The following NADK2 variants were observed in gnomAD, a reference collection of about 807,000 sequenced individuals.
NADK2 encodes the protein NAD kinase domain-containing protein 1, mitochondrial.
Under a neutral mutation model 62.1 loss-of-function variants are expected in NADK2, and 35 were observed. The observed-to-expected ratio is 0.56, with a 90% CI of 0.43 to 0.75. The LOEUF is 0.75. Ranked by LOEUF, NADK2 falls within the 30% of genes least tolerant of loss-of-function variation. The pLI is 0.00. For synonymous variants in NADK2, 205 were observed against 207.9 expected (o/e 0.99, Z 0.12); for missense variants, 439 against 561.3 (o/e 0.78, Z 2.20).
rs547224147 is a variant in NADK2 at position 36,198,584 on chromosome 5, T to A, written c.1067-920A>T. Among the ~76,000 whole-genome samples the A allele has an allele frequency of 2.8e-3, 409 of 148,148 alleles. 1 individual carries two copies. The highest frequency in any genetic ancestry group is 9.4e-3 in the African/African-American group (384 of 40,862). On this transcript the variant is annotated intron_variant, in intron 10 of 11. Coordinates refer to ENST00000381937, the MANE Select transcript of NADK2 (RefSeq NM_001085411.3). ...TAAAAGAAGAAAGTCACAGATATTT[T>A]TATATATATATAGATATAATATAAA...
At chr5:36,236,474 G>A (rs565035916) in intron 1 of NADK2, among the ~76,000 whole-genome samples, 27 of 152,188 alleles carry the variant, frequency 1.8e-4, no homozygotes, top group Non-Finnish European at 2.6e-4. Context: ...CATTTAACCC[G>A]AAACCTCTAT....
chr5:36,236,332 G>T (rs1396215995), intron 1 of NADK2, among the ~76,000 whole-genome samples: 2 of 152,194 alleles, frequency 1.3e-5, no homozygotes, highest in East Asian at 3.8e-4. Flanking sequence ...TATAGAAAGG[G>T]AGTATACCTT....
At chr5:36,235,968 A>G (rs916025944) in intron 1 of NADK2, among the ~76,000 whole-genome samples, 15 of 151,722 alleles carry the variant, frequency 9.9e-5, no homozygotes, top group Non-Finnish European at 2.9e-5. Flanking sequence ...TTGAAATTAT[A>G]TATTTCCGTT....
intron 10 of NADK2, among the ~76,000 whole-genome samples, chr5:36,199,056 T>TA (rs1229603927): frequency 1.6e-4 from 24 of 146,992 alleles, no homozygotes; most frequent in Non-Finnish European, 1.9e-4. Flanking sequence ...TGTTGTGGGG[T>TA]AGGGGGTGGG....
At chr5:36,204,713 A>G (rs1746570831) in intron 8 of NADK2, among the ~76,000 whole-genome samples, 2 of 152,040 alleles carry the variant, frequency 1.3e-5, no homozygotes, top group African/African-American at 4.8e-5. Flanking sequence ...TTTTTAAATG[A>G]TACTTCTTAT....
chr5:36,226,352 C>A, intron 3 of NADK2, 123 bp downstream of exon 3: 3 of 660,846 alleles, frequency 4.5e-6, no homozygotes, highest in East Asian at 2.6e-5. Flanking sequence ...TCGTAACAAT[C>A]CAAAAATGTG....
At chr5:36,210,084 C>T (rs559069867) in intron 7 of NADK2, among the ~76,000 whole-genome samples, 1 of 152,248 alleles carries the variant, frequency 6.6e-6, no homozygotes, top group African/African-American at 2.4e-5. Context: ...ATTTATGGAA[C>T]TCTTAGTAAA....
At chr5:36,224,327 TGGGTG>T (rs928380630) in intron 4 of NADK2, among the ~76,000 whole-genome samples, 2 of 151,638 alleles carry the variant, frequency 1.3e-5, no homozygotes, top group African/African-American at 4.8e-5. Flanking sequence ...GAGGCCAAGG[TGGGTG>T]GATCACTTGA....
At chr5:36,221,962 A>C (rs1286013208) in intron 4 of NADK2, 2 of 152,190 alleles carry the variant, frequency 1.3e-5, no homozygotes, top group Non-Finnish European at 2.9e-5. Flanking sequence ...TTCTATCCCT[A>C]TTCCCTAAAA....
At chr5:36,217,713 T>C (rs1386209400) in intron 6 of NADK2, 35 bp downstream of exon 6, 1 of 1,612,480 alleles carries the variant, frequency 6.2e-7, no homozygotes, top group South Asian at 1.1e-5. Flanking sequence ...GAGTTAAATA[T>C]TTCCCCAAAC....
chr5:36,196,226 A>G (rs981279999), intron 11 of NADK2, among the ~76,000 whole-genome samples: 10 of 152,212 alleles, frequency 6.6e-5, no homozygotes, highest in Non-Finnish European at 1.5e-4. Flanking sequence ...GGTAATTGCC[A>G]AACAATTTTC....
chr5:36,217,515 C>A (rs191984022), intron 6 of NADK2, among the ~76,000 whole-genome samples: 86 of 152,096 alleles, frequency 5.7e-4, no homozygotes, highest in Non-Finnish European at 1.1e-3. Context: ...AGATACTTTA[C>A]AATCCTTCCC....
In NADK2 at chr5:36,241,083, C is replaced by T. The variant is rs984359755; in HGVS notation, c.300+416G>A. ...CCCTTTCTCGCGGCGGCCAGGGGAG[C>T]TGTTCGCAGGGCGTCCAGACCTCAG... On this transcript the variant is annotated intron_variant, in intron 1 of 11. Transcript: ENST00000381937. The surrounding 1 kb of genome is among the most constrained non-coding windows in gnomAD (Gnocchi z 4.9). 1.3e-5 allele frequency among the ~76,000 whole-genome samples: 2 copies of T among 152,144 alleles called. No homozygotes were observed. Among genetic ancestry groups the T allele is most frequent in the East Asian group, 3.9e-4 (2 of 5,178 alleles).
In NADK2 at chr5:36,198,232, T is replaced by C. The variant is rs116276233; in HGVS notation, c.1067-568A>G. ...GGCTGGAATACAAAGCACAAATTGG[T>C]TGAGAAAACTACAAAGATATCAGGC... On this transcript the variant is annotated intron_variant, in intron 10 of 11. Coordinates refer to ENST00000381937, the MANE Select transcript of NADK2 (RefSeq NM_001085411.3). Among the ~76,000 whole-genome samples the C allele has an allele frequency of 7.4e-3, 1,127 of 152,088 alleles. 19 individuals are homozygous for C. The highest frequency in any genetic ancestry group is 0.026 in the African/African-American group (1,073 of 41,524).
chr5:36,208,291 T>C (rs917149935), intron 7 of NADK2, among the ~76,000 whole-genome samples: 1 of 152,112 alleles, frequency 6.6e-6, no homozygotes, highest in Non-Finnish European at 1.5e-5. Flanking sequence ...GCAGGCCTAA[T>C]ATTCACATTT....
At chr5:36,219,860 C>G (rs371921319) in intron 4 of NADK2, among the ~76,000 whole-genome samples, 181 bp from the exon 5 acceptor site, 1 of 151,980 alleles carries the variant, frequency 6.6e-6, no homozygotes, top group Admixed American at 6.6e-5. Context: ...CAAAAAAGAC[C>G]AGATAGAATT....
intron 1 of NADK2, among the ~76,000 whole-genome samples, chr5:36,229,912 T>C (rs1252766603): frequency 6.6e-6 from 1 of 150,938 alleles, no homozygotes; most frequent in Non-Finnish European, 1.5e-5. Context: ...CAGTCTAGAG[T>C]CACAGCCGAT....
chr5:36,241,621 T>G lies in NADK2; in HGVS notation c.178A>C (p.Ser60Arg), dbSNP rs1230329583. The stretch of plus-strand genomic sequence containing the variant: ...GGGCGGAAGCCGCCGTCCGCGCGGC[T>G]GCCACAGCCCGCCAGCTCGCGCGGC... ...GQPRELAGCGSRADGGFRPSR... is the reference protein window; with the variant it reads ...GQPRELAGCGRRADGGFRPSR... The change falls in exon 1 of 12, where the codon AGC becomes CGC. Residue 60 changes from serine to arginine, a missense_variant. Ser to Arg is a moderately radical substitution (Grantham distance 110). Transcript: ENST00000381937. The surrounding 1 kb of genome is among the most constrained non-coding windows in gnomAD (Gnocchi z 4.9). The G allele has an allele frequency of 6.7e-7, 1 of 1,482,172 alleles. No homozygotes were observed. The highest frequency in any genetic ancestry group is 2.2e-5 in the Admixed American group (1 of 44,970). 91.8% of individuals were successfully genotyped at this position (1,482,172 alleles called of 1,614,324 possible). A position where few individuals can be genotyped will look rare whatever the true frequency, so the allele number is the denominator to read the frequency against.
chr5:36,212,750 C>T (rs1746897537), intron 6 of NADK2, among the ~76,000 whole-genome samples: 1 of 152,174 alleles, frequency 6.6e-6, no homozygotes, highest in South Asian at 2.1e-4. Context: ...TTTCTGTCTC[C>T]TCCACAATTC....
Sources: allele counts gnomAD v4.1 joint callset (sites outside exome capture counted in the v4.1 genomes callset), GRCh38; gene constraint gnomAD v4.1.1; non-coding constraint Gnocchi (gnomAD v3.1); transcripts MANE v1.5; gene names NCBI Gene and HGNC (gene_info 2026-07-23, HGNC 2026-07-21).